ULK2: variants seen among roughly 807,000 people sequenced by gnomAD.
ULK2 encodes serine/threonine-protein kinase ULK2.
In ULK2, 76 loss-of-function variants were observed where a neutral mutation model predicts 127.5. The observed-to-expected ratio is 0.60, with a 90% confidence interval of 0.50 to 0.72. ULK2 has a LOEUF of 0.72. Ranked by LOEUF, ULK2 falls within the 30% of genes least tolerant of loss-of-function variation. The pLI, the probability that ULK2 is intolerant of heterozygous loss-of-function variation, is 0.00. For missense variants in ULK2, 1,144 were observed against 1,295.9 expected, an observed-to-expected ratio of 0.88 and a Z score of 1.80; for synonymous variants, 452 against 461.9, an observed-to-expected ratio of 0.98 and a Z score of 0.28.
Position 19,771,919 on chromosome 17 carries a change from TGCAGA to T in ULK2, c.*4425_*4429del, listed in dbSNP as rs2086741157. On this transcript the variant is annotated 3_prime_UTR_variant, in exon 27 of 27. Coordinates refer to ENST00000395544, the MANE Select transcript of ULK2 (RefSeq NM_014683.4). The stretch of plus-strand genomic sequence containing the variant: ...ACTGTCTTGGGACAGGAGATCATGC[TGCAGA>T]GCCCAGGGAGGTCCGCCCTGCGCAG... The T allele has an allele frequency of 6.6e-6, 1 of 152,302 alleles. No homozygotes were observed. The highest frequency in any genetic ancestry group is 2.1e-4 in the South Asian group (1 of 4,828). The allele number at this position is 152,302 out of a possible 1,614,324, so 9.4% of individuals were successfully genotyped here.
intron 3 of ULK2, among the ~76,000 whole-genome samples, chr17:19,852,279 T>C (rs1441998870): frequency 6.6e-6 from 1 of 151,820 alleles, no homozygotes; most frequent in South Asian, 2.1e-4. Context: ...CCCAGCACTT[T>C]GGGAGGCCGA....
chr17:19,857,521 A>C (rs1213960223), intron 3 of ULK2, among the ~76,000 whole-genome samples: 1 of 152,112 alleles, frequency 6.6e-6, no homozygotes, highest in African/African-American at 2.4e-5. Flanking sequence ...TGGTGTTCCA[A>C]TTCTATTTTT....
chr17:19,834,677 C>T (rs1394989445), intron 10 of ULK2, among the ~76,000 whole-genome samples: 3 of 151,920 alleles, frequency 2.0e-5, no homozygotes, highest in African/African-American at 7.3e-5. Flanking sequence ...TCTGGGAGGC[C>T]GAGGCAGGAT....
At chr17:19,850,573 TC>T (rs1412133343) in intron 3 of ULK2, among the ~76,000 whole-genome samples, 7 of 152,120 alleles carry the variant, frequency 4.6e-5, no homozygotes, top group African/African-American at 1.7e-4. Context: ...ACGTCTGTAA[TC>T]CCAGCACTTT....
chr17:19,776,092 T>A lies in ULK2; in HGVS notation c.*257A>T. The A allele has an allele frequency of 2.2e-6, 1 of 448,484 alleles. No homozygotes were observed. The highest frequency in any genetic ancestry group is 4.0e-6 in the Non-Finnish European group (1 of 250,490). 27.8% of individuals were successfully genotyped at this position (448,484 alleles called of 1,614,324 possible). ...TTCTAAGGTACATTTATTCACCAAG[T>A]CCAAACTGGGAGCCAAACACTCTTG... On this transcript the variant is annotated 3_prime_UTR_variant, in exon 27 of 27. Transcript: ENST00000395544.
chr17:19,829,838 CAA>C (rs60131689), intron 10 of ULK2, among the ~76,000 whole-genome samples: 2 of 120,620 alleles, frequency 1.7e-5, no homozygotes, highest in Non-Finnish European at 3.2e-5. Context: ...GACTCCATTT[CAA>C]AAAAAAAAAA....
At chr17:19,816,719 A>T in intron 13 of ULK2, 30 bp downstream of exon 13, 2 of 1,504,124 alleles carry the variant, frequency 1.3e-6, no homozygotes, top group Non-Finnish European at 1.8e-6. Flanking sequence ...ATTAAGAAAT[A>T]CAATGTGTAC....
intron 12 of ULK2, among the ~76,000 whole-genome samples, chr17:19,819,377 G>A (rs951341412): frequency 1.3e-5 from 2 of 152,120 alleles, no homozygotes; most frequent in Non-Finnish European, 2.9e-5. Flanking sequence ...CTCCTTCTGA[G>A]TCTCTTTTGT....
chr17:19,859,389 G>C (rs2042197203), intron 3 of ULK2, among the ~76,000 whole-genome samples: 1 of 151,826 alleles, frequency 6.6e-6, no homozygotes, highest in Non-Finnish European at 1.5e-5. Context: ...CGTGGTGGCA[G>C]GCACCTGTAA....
chr17:19,852,778 C>T (rs1218462945), intron 3 of ULK2, among the ~76,000 whole-genome samples: 1 of 151,012 alleles, frequency 6.6e-6, no homozygotes, highest in Non-Finnish European at 1.5e-5. Context: ...CTACAGGCAC[C>T]CGCCACCACA....
chr17:19,789,464 A>G (rs2087106244), intron 20 of ULK2, among the ~76,000 whole-genome samples: 1 of 152,232 alleles, frequency 6.6e-6, no homozygotes, highest in Admixed American at 6.5e-5. Flanking sequence ...TGAAGACAAC[A>G]ATAAATACCT....
chr17:19,856,636 CTT>C (rs1156816765), intron 3 of ULK2, among the ~76,000 whole-genome samples: 1 of 151,098 alleles, frequency 6.6e-6, no homozygotes, highest in Non-Finnish European at 1.5e-5. Context: ...TCGTTTGTTC[CTT>C]TTTATATATG....
chr17:19,781,268 G>C (rs1027204893), intron 23 of ULK2, among the ~76,000 whole-genome samples, 164 bp from the exon 24 acceptor site: 1 of 134,792 alleles, frequency 7.4e-6, no homozygotes, highest in Non-Finnish European at 1.5e-5. Flanking sequence ...TTTTGACAGA[G>C]TCTTGCTCTG....
At chr17:19,822,740 G>A (rs1206643273) in intron 12 of ULK2, among the ~76,000 whole-genome samples, 1 of 151,890 alleles carries the variant, frequency 6.6e-6, no homozygotes, top group Non-Finnish European at 1.5e-5. Context: ...AGGCTGGAGT[G>A]CAGTTGAGCG....
At chr17:19,836,437 C>G (rs2041599849) in intron 10 of ULK2, among the ~76,000 whole-genome samples, 1 of 150,922 alleles carries the variant, frequency 6.6e-6, no homozygotes, top group Non-Finnish European at 1.5e-5. Flanking sequence ...AAAAAATTAG[C>G]CGGGCATGGT....
At position 19,816,879 on chromosome 17, in the gene ULK2, A is replaced by T. The variant is rs773380175; in HGVS notation, c.966T>A (p.Ser322=). The T allele has an allele frequency of 6.2e-7, 1 of 1,609,898 alleles. No homozygotes were observed. The highest frequency in any genetic ancestry group is 1.7e-5 in the Admixed American group (1 of 58,622). The change falls in exon 13 of 27, where the codon TCT becomes TCA. Residue 322 remains serine (S), a synonymous_variant. Transcript: ENST00000395544. ...AGTTGGGAGGACCCAATGGTGGGGA[A>T]GATAAGTTTTCTTCCTGAATATGCT... is the stretch of plus-strand genomic sequence containing the variant. ...DMQHIQEENL[S]SPPLGPPNYL... is the part of the protein sequence containing the mutation.
At chr17:19,834,217 C>CAA (rs957619638) in intron 10 of ULK2, among the ~76,000 whole-genome samples, 3 of 133,100 alleles carry the variant, frequency 2.3e-5, no homozygotes, top group African/African-American at 2.8e-5. Context: ...CAGTATCTAC[C>CAA]AAAAAAAAAA....
intron 21 of ULK2, among the ~76,000 whole-genome samples, chr17:19,784,917 T>C (rs1275840041): frequency 8.5e-5 from 13 of 152,198 alleles, no homozygotes; most frequent in Non-Finnish European, 5.9e-5. Flanking sequence ...TCAAGGTTTT[T>C]AATCGTCTTA....
chr17:19,779,511 G>T (rs192684031), intron 25 of ULK2, among the ~76,000 whole-genome samples: 5 of 105,538 alleles, frequency 4.7e-5, no homozygotes, highest in African/African-American at 1.9e-4. Context: ...CAGCCTGGAC[G>T]ACAGAACAAA....
Sources: allele counts gnomAD v4.1 joint callset (sites outside exome capture counted in the v4.1 genomes callset), GRCh38; gene constraint gnomAD v4.1.1; transcripts MANE v1.5; gene names NCBI Gene and HGNC (gene_info 2026-07-23, HGNC 2026-07-21).